The following PUS7 variants were observed in gnomAD, a reference collection of about 807,000 sequenced individuals.
PUS7 encodes the protein pseudouridine synthase 7.
A neutral mutation model predicts 79.8 loss-of-function variants in PUS7; 48 were observed. The observed-to-expected ratio is 0.60, with a 90% CI of 0.48 to 0.76. The LOEUF is 0.76. PUS7 is among the 30% of genes least tolerant of loss of function. PUS7 has a pLI of 0.00. For synonymous variants in PUS7, 286 were observed against 272.2 expected (o/e 1.05, Z -0.50); for missense variants, 729 against 797.6 (o/e 0.91, Z 1.04).
At chr7:105,515,517 T>C (rs1825859024) in intron 1 of PUS7, among the ~76,000 whole-genome samples, 1 of 152,244 alleles carries the variant, frequency 6.6e-6, no homozygotes, top group South Asian at 2.1e-4. Flanking sequence ...GACATTTGTC[T>C]GATCTCTTTT....
At chr7:105,459,394 T>C (rs1037440568) in intron 14 of PUS7, 135 bp from the exon 15 acceptor site, 51 of 465,302 alleles carry the variant, frequency 1.1e-4, no homozygotes, top group Non-Finnish European at 1.8e-4. Context: ...TCTTGAATAA[T>C]ATAGCAGGGC....
intron 1 of PUS7, among the ~76,000 whole-genome samples, chr7:105,509,082 G>A (rs1274144069): frequency 6.7e-6 from 1 of 148,202 alleles, no homozygotes; most frequent in Non-Finnish European, 1.5e-5. Flanking sequence ...TAGTCAGGAG[G>A]CTGAGGCAGG....
At chr7:105,475,456 A>G (rs977764529) in intron 9 of PUS7, among the ~76,000 whole-genome samples, 3 of 151,610 alleles carry the variant, frequency 2.0e-5, no homozygotes, top group Non-Finnish European at 4.4e-5. Flanking sequence ...GAGTGCTGGG[A>G]TTACAGGCGT....
At chr7:105,520,621 C>T (rs1012475305) in intron 1 of PUS7, among the ~76,000 whole-genome samples, 5 of 152,120 alleles carry the variant, frequency 3.3e-5, no homozygotes, top group African/African-American at 1.2e-4. Context: ...ACTCCGGAGG[C>T]TGAGGCAGGA....
chr7:105,463,267 C>T (rs1435621036), intron 13 of PUS7, among the ~76,000 whole-genome samples: 1 of 152,154 alleles, frequency 6.6e-6, no homozygotes, highest in Non-Finnish European at 1.5e-5. Context: ...GGAAATACTT[C>T]TTTGTGAGGC....
intron 7 of PUS7, among the ~76,000 whole-genome samples, chr7:105,483,181 T>G (rs1331879367): frequency 3.4e-5 from 1 of 29,542 alleles, no homozygotes; most frequent in African/African-American, 1.9e-4. Context: ...TCTTTCCTTT[T>G]TTTTTTTTGA....
chr7:105,488,539 T>G (rs1824645416), intron 7 of PUS7, among the ~76,000 whole-genome samples: 1 of 152,228 alleles, frequency 6.6e-6, no homozygotes, highest in South Asian at 2.1e-4. Flanking sequence ...TTATCACAGA[T>G]GTGTGCCAAG....
At chr7:105,463,993 G>C (rs892853309) in intron 13 of PUS7, among the ~76,000 whole-genome samples, 1 of 152,144 alleles carries the variant, frequency 6.6e-6, no homozygotes, top group African/African-American at 2.4e-5. Flanking sequence ...AAGGACAACA[G>C]GGATCCCTCA....
In PUS7 at chr7:105,481,077, C is replaced by T; in HGVS notation, c.1150G>A (p.Ala384Thr). The change falls in exon 9 of 16, where the codon GCT (alanine) becomes ACT (threonine). Residue 384 changes from alanine (A) to threonine (T), a missense_variant. By Grantham distance (58) the Ala-to-Thr change is moderately conservative (BLOSUM62 0). Transcript: ENST00000469408. ...YYGMQRFGTTAVPTYQVGRAI... is the reference protein window; with the variant it reads ...YYGMQRFGTTTVPTYQVGRAI... ...CTTCCAACCTGATACGTAGGGACAG[C>T]TGTGGTTCCAAATCTTTGCATTCCA... is the stretch of plus-strand genomic sequence containing the variant. The T allele has an allele frequency of 6.2e-7, 1 of 1,612,286 alleles. No individual in the cohort carries two copies. Among genetic ancestry groups the T allele is most frequent in the South Asian group, 1.1e-5 (1 of 90,664 alleles).
intron 1 of PUS7, among the ~76,000 whole-genome samples, chr7:105,521,563 A>G (rs2133318969): frequency 6.6e-6 from 1 of 152,340 alleles, no homozygotes; most frequent in African/African-American, 2.4e-5. Flanking sequence ...GCTCCCAGTG[A>G]GCGGCGACGC....
At chr7:105,473,156 G>A (rs754423916) in intron 9 of PUS7, among the ~76,000 whole-genome samples, 1 of 151,966 alleles carries the variant, frequency 6.6e-6, no homozygotes, top group Non-Finnish European at 1.5e-5. Flanking sequence ...ATACCTTCTT[G>A]CCTAGGCAAA....
intron 13 of PUS7, among the ~76,000 whole-genome samples, chr7:105,465,091 T>C (rs569855352): frequency 6.6e-6 from 1 of 152,314 alleles, no homozygotes; most frequent in South Asian, 2.1e-4. Context: ...AATGTTGGGA[T>C]TGATTATAGG....
intron 1 of PUS7, among the ~76,000 whole-genome samples, chr7:105,520,559 T>A (rs1383999674): frequency 4.8e-5 from 4 of 83,276 alleles, no homozygotes; most frequent in Admixed American, 2.6e-4. Context: ...AATAAATAAA[T>A]AAAAATACAA....
chr7:105,492,667 G>A (rs1206150786), intron 6 of PUS7, among the ~76,000 whole-genome samples: 3 of 151,426 alleles, frequency 2.0e-5, no homozygotes, highest in Non-Finnish European at 2.9e-5. Flanking sequence ...CACTACGCCC[G>A]GCTAATTTTT....
chr7:105,500,826 T>C (rs1825217024), intron 5 of PUS7, among the ~76,000 whole-genome samples: 1 of 152,172 alleles, frequency 6.6e-6, no homozygotes, highest in Admixed American at 6.5e-5. Context: ...TTGAGCAACC[T>C]TGGCTGAAAA....
In PUS7 at chr7:105,502,542, T is replaced by C. The variant is rs781241302; in HGVS notation, c.608A>G (p.Lys203Arg). 1.9e-6 allele frequency: 3 copies of C among 1,614,120 alleles called. No individual in the cohort carries two copies. The South Asian group carries it at 3.3e-5, about 18-fold the overall frequency. ...GATAGCCTGATGGATGATGGTTCTT[T>C]TCTCTTTGGTGTCCTCGATAACCTA... ...AIEVIEDTKE[K>R]RTIIHQAIKS... The change falls in exon 5 of 16, where the codon AAA (lysine) becomes AGA (arginine). Residue 203 changes from lysine to arginine, a missense_variant. Transcript: ENST00000469408.
rs767269909 is a variant in PUS7 at position 105,482,022 on chromosome 7, G to C, written c.1049+290C>G. On this transcript the variant is annotated intron_variant, in intron 8 of 15. Transcript: ENST00000469408. ...TGGGATTACAGGCGTGAGCCACTGCGCCCAGCCGGCTCGGTGTCTTTTACT... is the reference window on the plus strand; with the variant it reads ...TGGGATTACAGGCGTGAGCCACTGCCCCCAGCCGGCTCGGTGTCTTTTACT... 3.9e-5 allele frequency among the ~76,000 whole-genome samples: 6 copies of C among 152,168 alleles called. No individual in the cohort carries two copies. The East Asian group carries it at 1.2e-3, about 29-fold the overall frequency.
In PUS7 at chr7:105,457,744, AAG is replaced by A; in HGVS notation, c.*44_*45del. 2 of 1,592,094 alleles carry A rather than the reference AAG, an allele frequency of 1.3e-6. No homozygotes were observed. Among genetic ancestry groups the A allele is most frequent in the Non-Finnish European group, 1.7e-6 (2 of 1,166,882 alleles). The stretch of plus-strand genomic sequence containing the variant: ...AGACAAAAATGCACAGGGAGCCAGG[AAG>A]CAAACACTTGTGTACGTTTTCTAAT... On this transcript the variant is annotated 3_prime_UTR_variant, in exon 16 of 16. Coordinates refer to ENST00000469408, the MANE Select transcript of PUS7 (RefSeq NM_019042.5).
Position 105,497,117 on chromosome 7 carries a change from A to C in PUS7, c.731-1864T>G, listed in dbSNP as rs535874323. Reference sequence around the variant, plus strand: ...GCACCCGGTAGTTATGCGGTGGGTTAACAGCCATTTAGACATTAACAATGG... The same window carrying C: ...GCACCCGGTAGTTATGCGGTGGGTTCACAGCCATTTAGACATTAACAATGG... On this transcript the variant is annotated intron_variant, in intron 5 of 15. Coordinates refer to ENST00000469408, the MANE Select transcript of PUS7 (RefSeq NM_019042.5). The C allele has an allele frequency of 1.9e-4, 76 of 398,420 alleles. No homozygotes were observed. In the Admixed American group the frequency reaches 3.6e-3, roughly 19 times the overall value. 24.7% of individuals were successfully genotyped at this position (398,420 alleles called of 1,614,324 possible).
Sources: gnomAD v4.1 joint callset for allele counts (sites outside exome capture counted in the v4.1 genomes callset) on GRCh38, gnomAD v4.1.1 for gene constraint, MANE v1.5 for transcripts, NCBI Gene and HGNC (gene_info 2026-07-23, HGNC 2026-07-21) for gene names.